The following TSGA10 variants were observed in gnomAD, a reference collection of about 807,000 sequenced individuals.
TSGA10 encodes testis specific 10, also known as testis-specific gene 10 protein.
TSGA10 carries 43 observed loss-of-function variants against 96.6 expected under a neutral mutation model. That is an observed-to-expected ratio of 0.44 (90% CI 0.35 to 0.57). The LOEUF is 0.57. Ranked by LOEUF, TSGA10 falls within the 20% of genes least tolerant of loss-of-function variation. TSGA10 has a pLI of 0.01. For missense variants in TSGA10, 703 were observed against 834.4 expected (o/e 0.84, Z 1.94); for synonymous variants, 229 against 269.9 (o/e 0.85, Z 1.48).
intron 16 of TSGA10, among the ~76,000 whole-genome samples, chr2:99,056,066 G>A (rs574892959): frequency 3.3e-5 from 5 of 151,936 alleles, no homozygotes; most frequent in Admixed American, 1.3e-4. Context: ...TTAGCCAGGC[G>A]TGGTGGTGGG....
chr2:99,005,343 A>G (rs933007491), intron 20 of TSGA10, among the ~76,000 whole-genome samples: 1 of 152,222 alleles, frequency 6.6e-6, no homozygotes, highest in Non-Finnish European at 1.5e-5. Context: ...GAAAAGAGGA[A>G]GTCAAATTGG....
chr2:99,087,964 T>C (rs886586499), intron 10 of TSGA10, among the ~76,000 whole-genome samples: 2 of 152,132 alleles, frequency 1.3e-5, no homozygotes, highest in African/African-American at 4.8e-5. Context: ...TTATACCTCT[T>C]TACATCCAGT....
intron 10 of TSGA10, among the ~76,000 whole-genome samples, chr2:99,101,784 A>T (rs1283341002): frequency 6.6e-6 from 1 of 152,240 alleles, no homozygotes; most frequent in East Asian, 1.9e-4. Flanking sequence ...AAGTGAAATA[A>T]GACAACCAGA....
intron 16 of TSGA10, among the ~76,000 whole-genome samples, chr2:99,052,335 T>C (rs2083474227): frequency 6.6e-6 from 1 of 152,068 alleles, no homozygotes; most frequent in Non-Finnish European, 1.5e-5. Flanking sequence ...TGTGAACAAT[T>C]ATATGCCAAC....
At position 99,071,838 on chromosome 2, in the gene TSGA10, G is replaced by A. The variant is rs115741235; in HGVS notation, c.975C>T (p.Asp325=). 4.8e-4 allele frequency: 778 copies of A among 1,613,896 alleles called. 4 individuals carry two copies. The African/African-American group carries it at 9.4e-3, about 19-fold the overall frequency. ...CCAATTGCCGACGCATTCTGGAAACGTCTTGTTCACACACAATTAGGGCCT... is the reference window on the plus strand; with the variant it reads ...CCAATTGCCGACGCATTCTGGAAACATCTTGTTCACACACAATTAGGGCCT... ...CTEALIVCEQ[D]VSRMRRQLDE... is the part of the protein sequence containing the mutation. The change falls in exon 14 of 21, where the codon GAC becomes GAT. Residue 325 remains aspartate (D), a synonymous_variant. Coordinates refer to ENST00000393483, the MANE Select transcript of TSGA10 (RefSeq NM_025244.4).
rs374758337 is a variant in TSGA10, at chr2:99,071,852, C to G, written c.961G>C (p.Val321Leu). The G allele has an allele frequency of 6.2e-7, 1 of 1,613,876 alleles. No homozygotes were observed. The highest frequency in any genetic ancestry group is 1.1e-5 in the South Asian group (1 of 91,054). ...ASRQCTEALI[V>L]CEQDVSRMRR... Reference sequence around the variant, plus strand: ...ATTCTGGAAACGTCTTGTTCACACACAATTAGGGCCTCAGTACACTGTCTA... The same window carrying G: ...ATTCTGGAAACGTCTTGTTCACACAGAATTAGGGCCTCAGTACACTGTCTA... The change falls in exon 14 of 21, where the codon GTG (valine) becomes CTG (leucine). Residue 321 changes from valine to leucine, a missense_variant. Val to Leu is a conservative substitution (Grantham distance 32, BLOSUM62 1). Around this residue, in one of 3 missense-constraint regions of TSGA10, gnomAD observed 585 missense variants for 656.8 expected, o/e 0.89. Transcript: ENST00000393483.
At chr2:99,103,514 AT>A (rs547030958) in intron 10 of TSGA10, among the ~76,000 whole-genome samples, 2 of 152,290 alleles carry the variant, frequency 1.3e-5, no homozygotes, top group South Asian at 4.1e-4. Context: ...CAATTAATAG[AT>A]GCTCCATCAC....
At chr2:99,151,531 A>G (rs1165151469) in intron 1 of TSGA10, 2 of 150,780 alleles carry the variant, frequency 1.3e-5, no homozygotes. Flanking sequence ...TTTCTGGTGT[A>G]TCAGTTTTGT....
chr2:99,008,045 C>T lies in TSGA10; in HGVS notation c.2073-9824G>A, dbSNP rs573835079. ...AATTAGATCCATTTCTCAAACCATA[C>T]ATAAAATAAACTCCAAATGAATCAG... On this transcript the variant is annotated intron_variant, in intron 20 of 20. Coordinates refer to ENST00000393483, the MANE Select transcript of TSGA10 (RefSeq NM_025244.4). Among the ~76,000 whole-genome samples the T allele has an allele frequency of 4.6e-5, 7 of 152,238 alleles. No homozygotes were observed. The South Asian group carries it at 1.0e-3, about 23-fold the overall frequency.
At chr2:99,012,796 A>G (rs2104888080) in intron 20 of TSGA10, among the ~76,000 whole-genome samples, 1 of 152,268 alleles carries the variant, frequency 6.6e-6, no homozygotes, top group South Asian at 2.1e-4. Context: ...CAAAGAAACA[A>G]TGAACTTAAA....
intron 10 of TSGA10, among the ~76,000 whole-genome samples, chr2:99,098,187 C>G (rs1246475320): frequency 1.3e-5 from 2 of 151,804 alleles, no homozygotes; most frequent in Non-Finnish European, 2.9e-5. Context: ...CCTGTAATCC[C>G]AGGACTTTGG....
chr2:99,116,691 GAAA>G, intron 4 of TSGA10, among the ~76,000 whole-genome samples: 1 of 145,474 alleles, frequency 6.9e-6, no homozygotes, highest in South Asian at 2.2e-4. Context: ...ACATCAGTAA[GAAA>G]AAAAAAAGAT....
intron 20 of TSGA10, among the ~76,000 whole-genome samples, chr2:99,006,436 C>T (rs564126829): frequency 3.3e-5 from 5 of 152,178 alleles, no homozygotes; most frequent in East Asian, 3.9e-4. Context: ...TGAACTCAAA[C>T]GAATTTACAA....
At chr2:99,093,015 C>T (rs973271076) in intron 10 of TSGA10, among the ~76,000 whole-genome samples, 5 of 152,148 alleles carry the variant, frequency 3.3e-5, no homozygotes, top group Non-Finnish European at 7.4e-5. Context: ...AAAATACTAG[C>T]TAACCAAATC....
chr2:99,004,644 T>C (rs924607251), intron 20 of TSGA10, among the ~76,000 whole-genome samples: 2 of 151,794 alleles, frequency 1.3e-5, no homozygotes, highest in South Asian at 2.1e-4. Context: ...ACTGTGGCAA[T>C]AATAAATAGC....
chr2:99,022,456 T>C (rs1246958393), intron 17 of TSGA10, among the ~76,000 whole-genome samples: 5 of 152,068 alleles, frequency 3.3e-5, no homozygotes, highest in Non-Finnish European at 7.4e-5. Flanking sequence ...ACAATGTGTA[T>C]GCGGTCTTTT....
At chr2:99,098,438 CAAA>C (rs59144676) in intron 10 of TSGA10, among the ~76,000 whole-genome samples, 2 of 92,622 alleles carry the variant, frequency 2.2e-5, no homozygotes, top group Admixed American at 1.1e-4. Flanking sequence ...GACTCTGCCT[CAAA>C]AAAAAAAAAA....
At chr2:99,028,299 T>G (rs1331951149) in intron 17 of TSGA10, among the ~76,000 whole-genome samples, 1 of 152,222 alleles carries the variant, frequency 6.6e-6, no homozygotes, top group African/African-American at 2.4e-5. Flanking sequence ...TTTGCAGGGG[T>G]ACTACTTCCC....
intron 20 of TSGA10, among the ~76,000 whole-genome samples, chr2:99,001,499 A>G (rs1389292067): frequency 2.0e-5 from 3 of 152,226 alleles, no homozygotes; most frequent in South Asian, 2.1e-4. Flanking sequence ...CAAAGACCGA[A>G]GGTAGATTAA....
Sources: gnomAD v4.1 joint callset for allele counts (sites outside exome capture counted in the v4.1 genomes callset) on GRCh38, gnomAD v4.1.1 for gene constraint, gnomAD v4.1.1 regional missense constraint, MANE v1.5 for transcripts, NCBI Gene and HGNC (gene_info 2026-07-23, HGNC 2026-07-21) for gene names.